TEX15: variants seen among roughly 807,000 people sequenced by gnomAD.
TEX15 encodes testis expressed 15, meiosis and synapsis associated, also known as testis-expressed protein 15.
A neutral mutation model predicts 237.3 loss-of-function variants in TEX15; 171 were observed. That is an observed-to-expected ratio of 0.72 (90% CI 0.64 to 0.82). TEX15 has a LOEUF of 0.82. Ranked by LOEUF, TEX15 falls within the 40% of genes least tolerant of loss-of-function variation. The pLI is 0.00. For missense variants in TEX15, 3,750 were observed against 3,646.5 expected, an observed-to-expected ratio of 1.03 and a Z score of -0.73; for synonymous variants, 1,338 against 1,269.8, an observed-to-expected ratio of 1.05 and a Z score of -1.14.
At chr8:30,901,046 G>A (rs749233056) in intron 1 of TEX15, among the ~76,000 whole-genome samples, 9 of 152,186 alleles carry the variant, frequency 5.9e-5, no homozygotes, top group Admixed American at 3.3e-4. Flanking sequence ...GCTGAGGTGC[G>A]AGGATAACTT....
At chr8:30,836,406 G>T (rs187615649) in intron 10 of TEX15, among the ~76,000 whole-genome samples, 52 of 151,642 alleles carry the variant, frequency 3.4e-4, no homozygotes, top group African/African-American at 1.1e-3. Context: ...TACAGATGGG[G>T]TTTCACTATG....
rs76352244 is a variant in TEX15 at position 30,891,770 on chromosome 8, C to T, written c.-9-4459G>A. Among the ~76,000 whole-genome samples, 684 of 152,260 alleles carry T rather than the reference C, an allele frequency of 4.5e-3. 9 individuals are homozygous for T. The highest frequency in any genetic ancestry group is 0.015 in the African/African-American group (642 of 41,560). ...AGGCATAAGCCACTGAATCCAGCCC[C>T]CAATTTTTGAGAATGATCATGTACT... On this transcript the variant is annotated intron_variant, in intron 2 of 10. Coordinates refer to ENST00000643185, the MANE Select transcript of TEX15 (RefSeq NM_001350162.2).
intron 2 of TEX15, among the ~76,000 whole-genome samples, chr8:30,896,943 T>C (rs1035960830): frequency 3.9e-5 from 6 of 152,166 alleles, no homozygotes; most frequent in African/African-American, 1.2e-4. Context: ...ATTTAAAATA[T>C]GTGGGGTGGT....
chr8:30,903,169 T>C (rs999033609), intron 1 of TEX15, among the ~76,000 whole-genome samples: 15 of 152,344 alleles, frequency 9.8e-5, no homozygotes, highest in African/African-American at 3.6e-4. Flanking sequence ...CTATGCTGTA[T>C]GGATGTATTT....
intron 10 of TEX15, 123 bp downstream of exon 10, chr8:30,836,680 T>C: frequency 1.1e-6 from 1 of 905,858 alleles, no homozygotes; most frequent in Non-Finnish European, 1.7e-6. Flanking sequence ...TCTACAAATC[T>C]GTACAGAAAA....
At chr8:30,888,505 CTCCCCTGCAACCTCCA>C (rs1808713995) in intron 2 of TEX15, 38 of 624,894 alleles carry the variant, frequency 6.1e-5, no homozygotes, top group South Asian at 5.7e-4. Context: ...TCTCCCCAAA[CTCCCCTGCAACCTCCA>C]TCCCCTGCCA....
At chr8:30,866,378 AAGGG>A (rs1808166762) in intron 5 of TEX15, among the ~76,000 whole-genome samples, 1 of 150,312 alleles carries the variant, frequency 6.7e-6, no homozygotes, top group East Asian at 2.0e-4. Flanking sequence ...GAGGAAGGGG[AAGGG>A]GAAGGGGAAG....
At position 30,842,475 on chromosome 8, in the gene TEX15, T is replaced by C. The variant is rs774879911; in HGVS notation, c.7692A>G (p.Thr2564=). The C allele has an allele frequency of 4.3e-6, 7 of 1,613,292 alleles. No individual in the cohort carries two copies. The South Asian group carries it at 6.6e-5, about 15-fold the overall frequency. The change falls in exon 8 of 11, where the codon ACA becomes ACG. Residue 2564 remains threonine, a synonymous_variant. Coordinates refer to ENST00000643185, the MANE Select transcript of TEX15 (RefSeq NM_001350162.2). The stretch of plus-strand genomic sequence containing the variant: ...CTATATATGGCACAAAGTCAATATA[T>C]GTGGAAATAAAATACTTGGACTTCT... The part of the protein sequence containing the change: ...LLKKSKYFIS[T]YIDFVPYIAS...
chr8:30,851,876 G>C (rs958176380), intron 7 of TEX15, among the ~76,000 whole-genome samples: 8 of 152,006 alleles, frequency 5.3e-5, no homozygotes, highest in Non-Finnish European at 1.2e-4. Context: ...GGAAGTTGCA[G>C]TGAGCCGAGA....
intron 2 of TEX15, among the ~76,000 whole-genome samples, chr8:30,897,591 G>A (rs886678630): frequency 2.0e-5 from 3 of 152,128 alleles, no homozygotes; most frequent in Non-Finnish European, 2.9e-5. Context: ...TGATTAATAT[G>A]TGGGTAACCA....
rs544569114 is a variant in TEX15, at chr8:30,846,239, C to G, written c.3928G>C (p.Asp1310His). The change falls in exon 8 of 11, where the codon GAT (aspartate) becomes CAT (histidine). Residue 1310 changes from aspartate to histidine, a missense_variant. Physicochemically the swap from Asp to His is moderately conservative, Grantham distance 81 (BLOSUM62 -1). Coordinates refer to ENST00000643185, the MANE Select transcript of TEX15 (RefSeq NM_001350162.2). ...AAATCTTTATGTGGTATGTTCTGATCCCTGGAAGATATATGTAGCTTCCTT... is the reference window on the plus strand; with the variant it reads ...AAATCTTTATGTGGTATGTTCTGATGCCTGGAAGATATATGTAGCTTCCTT... Reference protein sequence around the residue: ...SKRKLHISSRDQNIPHKDLRR... With the variant: ...SKRKLHISSRHQNIPHKDLRR... 2 of 1,613,426 alleles carry G rather than the reference C, an allele frequency of 1.2e-6. No individual in the cohort carries two copies. Among genetic ancestry groups the G allele is most frequent in the Non-Finnish European group, 8.5e-7 (1 of 1,179,702 alleles).
chr8:30,838,278 T>G (rs1207947871), intron 9 of TEX15, among the ~76,000 whole-genome samples: 1 of 152,186 alleles, frequency 6.6e-6, no homozygotes, highest in Non-Finnish European at 1.5e-5. Context: ...GCTCTACATT[T>G]TAAATATATT....
chr8:30,851,021 T>C (rs912009629), intron 7 of TEX15, among the ~76,000 whole-genome samples: 5 of 152,194 alleles, frequency 3.3e-5, no homozygotes, highest in Admixed American at 3.3e-4. Flanking sequence ...ATATGGTTCA[T>C]GGAAGTATAA....
chr8:30,869,282 G>A (rs1808240483), intron 4 of TEX15, among the ~76,000 whole-genome samples: 1 of 151,944 alleles, frequency 6.6e-6, no homozygotes, highest in Non-Finnish European at 1.5e-5. Context: ...CGAGCCTAAA[G>A]ACTCTTTTCT....
chr8:30,848,075 T>G lies in TEX15; in HGVS notation c.2092A>C (p.Ile698Leu). 6.2e-7 allele frequency: 1 copy of G among 1,612,936 alleles called. No individual in the cohort carries two copies. The highest frequency in any genetic ancestry group is 8.5e-7 in the Non-Finnish European group (1 of 1,179,614). Residue 698 changes from isoleucine (I) to leucine (L), a missense_variant, in exon 8 of 11, where the codon ATA (isoleucine) becomes CTA (leucine). Ile to Leu is a conservative substitution (Grantham distance 5). Transcript: ENST00000643185. ...LEITKSSTST[I>L]KDKDELDHLA... Reference sequence around the variant, plus strand: ...TGATCTAGTTCATCCTTATCCTTTATGGTAGATGTAGAAGATTTTGTTATT... The same window carrying G: ...TGATCTAGTTCATCCTTATCCTTTAGGGTAGATGTAGAAGATTTTGTTATT...
intron 10 of TEX15, among the ~76,000 whole-genome samples, chr8:30,834,299 T>C (rs1367989805): frequency 1.3e-5 from 2 of 152,030 alleles, no homozygotes; most frequent in African/African-American, 2.4e-5. Flanking sequence ...CAGCCTCCCA[T>C]GTAGCTGGGA....
chr8:30,882,615 C>T (rs1232856918), intron 3 of TEX15, among the ~76,000 whole-genome samples: 3 of 152,026 alleles, frequency 2.0e-5, no homozygotes, highest in African/African-American at 7.2e-5. Context: ...TGACATGTAT[C>T]TCATGGCCCA....
intron 1 of TEX15, among the ~76,000 whole-genome samples, chr8:30,909,564 T>C (rs1181818076): frequency 6.6e-6 from 1 of 152,170 alleles, no homozygotes. Context: ...AAAGCAATCA[T>C]CAAATTTACA....
chr8:30,866,669 T>C (rs1808174334), intron 5 of TEX15, among the ~76,000 whole-genome samples: 1 of 151,966 alleles, frequency 6.6e-6, no homozygotes, highest in South Asian at 2.1e-4. Flanking sequence ...AATACACTAT[T>C]GCTGGACATT....
Sources: allele counts gnomAD v4.1 joint callset (sites outside exome capture counted in the v4.1 genomes callset), GRCh38; gene constraint gnomAD v4.1.1; transcripts MANE v1.5; gene names NCBI Gene and HGNC (gene_info 2026-07-23, HGNC 2026-07-21).